The following ABCA13 variants were observed in gnomAD, a reference collection of about 807,000 sequenced individuals.
The protein encoded by ABCA13 is ATP-binding cassette sub-family A member 13.
In ABCA13, 476 loss-of-function variants were observed where a neutral mutation model predicts 478.7. The ratio of observed to expected loss-of-function variants is 0.99; its 90% CI spans 0.92 to 1.07. The LOEUF is 1.07. ABCA13 is among the 50% of genes least tolerant of loss of function. The probability of loss-of-function intolerance (pLI) is 0.00; values close to 1 mark genes in which losing one functional copy is unlikely to be tolerated. For synonymous variants in ABCA13, 2,252 were observed against 2,158.9 expected, an observed-to-expected ratio of 1.04 and a Z score of -1.20; for missense variants, 6,060 against 5,910.6, an observed-to-expected ratio of 1.03 and a Z score of -0.83.
chr7:48,281,328 T>C lies in ABCA13; in HGVS notation c.8727-15T>C, dbSNP rs776127721. ...TTTTACCCTTTTATGTCATTGTATA[T>C]ATTTTTTTGCTAAGTGTTGTTGAGA... is the stretch of plus-strand genomic sequence containing the variant. On this transcript the variant is annotated splice_polypyrimidine_tract_variant and intron_variant, in intron 18 of 61. Transcript: ENST00000435803. 1 of 1,578,600 alleles carries C rather than the reference T, an allele frequency of 6.3e-7. No individual in the cohort carries two copies. The highest frequency in any genetic ancestry group is 8.6e-7 in the Non-Finnish European group (1 of 1,161,542).
intron 15 of ABCA13, 85 bp from the exon 16 acceptor site, chr7:48,268,895 T>G: frequency 5.9e-6 from 3 of 511,450 alleles, no homozygotes; most frequent in East Asian, 3.9e-5. Context: ...CCATATTAGG[T>G]GAACTACTCT....
intron 42 of ABCA13, among the ~76,000 whole-genome samples, chr7:48,434,822 A>G (rs1226052248): frequency 6.6e-6 from 1 of 151,832 alleles, no homozygotes; most frequent in African/African-American, 2.4e-5. Flanking sequence ...CATATATGTG[A>G]ACATTTTCTT....
At chr7:48,613,868 ATATAAT>A (rs1480463350) in intron 58 of ABCA13, among the ~76,000 whole-genome samples, 2 of 147,954 alleles carry the variant, frequency 1.4e-5, no homozygotes, top group East Asian at 3.9e-4. Context: ...TATTATAATA[ATATAAT>A]TATAGATTAC....
intron 38 of ABCA13, among the ~76,000 whole-genome samples, chr7:48,395,764 A>G (rs551120015): frequency 1.4e-3 from 212 of 152,368 alleles, no homozygotes; most frequent in African/African-American, 5.0e-3. Flanking sequence ...CATTGTAAGC[A>G]TACAGCATGT....
intron 59 of ABCA13, chr7:48,627,117 T>G: frequency 1.1e-5 from 10 of 885,630 alleles, no homozygotes; most frequent in Non-Finnish European, 1.2e-5. Context: ...CATGGTCTTA[T>G]TTAATCTTTA....
chr7:48,365,257 G>A (rs780482539), intron 31 of ABCA13, among the ~76,000 whole-genome samples: 1 of 151,992 alleles, frequency 6.6e-6, no homozygotes, highest in Admixed American at 6.6e-5. Context: ...GTTTTAATTG[G>A]ATTATGTGGG....
At chr7:48,213,417 A>C (rs1490505780) in intron 3 of ABCA13, among the ~76,000 whole-genome samples, 16 of 152,230 alleles carry the variant, frequency 1.1e-4, no homozygotes, top group African/African-American at 3.6e-4. Context: ...AATGTACATA[A>C]CTTAAATAAA....
At chr7:48,568,971 A>G (rs1485232719) in intron 55 of ABCA13, among the ~76,000 whole-genome samples, 1 of 151,890 alleles carries the variant, frequency 6.6e-6, no homozygotes, top group Admixed American at 6.6e-5. Flanking sequence ...ATTGGTAGAA[A>G]TATTTTATTT....
intron 31 of ABCA13, among the ~76,000 whole-genome samples, chr7:48,355,281 C>G (rs1035411017): frequency 6.6e-6 from 1 of 151,836 alleles, no homozygotes; most frequent in Non-Finnish European, 1.5e-5. Context: ...AAAGACTTGA[C>G]GGGATGCAGA....
At chr7:48,239,127 C>A in intron 8 of ABCA13, 114 bp from the exon 9 acceptor site, 1 of 1,083,284 alleles carries the variant, frequency 9.2e-7, no homozygotes, top group Middle Eastern at 2.4e-4. Context: ...CTTACTTCTT[C>A]AATCAAGCAA....
chr7:48,298,407 A>G lies in ABCA13; in HGVS notation c.9241A>G (p.Thr3081Ala), dbSNP rs763390825. 1 of 1,612,536 alleles carries G rather than the reference A, an allele frequency of 6.2e-7. No individual in the cohort carries two copies. The highest frequency in any genetic ancestry group is 1.1e-5 in the South Asian group (1 of 90,730). ...KDLMKNITKL[T>A]EELRSSIQIS... ...TTTGATGAAGAATATCACCAAGTTG[A>G]CTGAGGAGCTTCGCTCTTCCATCCA... The change falls in exon 23 of 62, where the codon ACT becomes GCT. Residue 3081 changes from threonine to alanine, a missense_variant. Coordinates refer to ENST00000435803, the MANE Select transcript of ABCA13 (RefSeq NM_152701.5).
chr7:48,244,045 T>C (rs575409628), intron 10 of ABCA13, among the ~76,000 whole-genome samples: 7 of 152,344 alleles, frequency 4.6e-5, no homozygotes, highest in Admixed American at 3.9e-4. Flanking sequence ...AGTTGTTTCT[T>C]CCATGTCTGG....
intron 59 of ABCA13, among the ~76,000 whole-genome samples, chr7:48,632,953 T>G (rs538558694): frequency 9.9e-5 from 15 of 152,270 alleles, no homozygotes; most frequent in African/African-American, 3.4e-4. Context: ...TAAATGTAAA[T>G]GCTAAAACTG....
chr7:48,199,669 T>G (rs1798401185), intron 3 of ABCA13, among the ~76,000 whole-genome samples: 1 of 152,202 alleles, frequency 6.6e-6, no homozygotes, highest in Non-Finnish European at 1.5e-5. Flanking sequence ...TACTGTAAAG[T>G]GATAACCCTG....
At chr7:48,314,179 G>A (rs1802199414) in intron 25 of ABCA13, 53 bp from the exon 26 acceptor site, 1 of 1,560,692 alleles carries the variant, frequency 6.4e-7, no homozygotes, top group Admixed American at 1.9e-5. Flanking sequence ...AGTGTGTGAA[G>A]GAATTGTTTT....
intron 38 of ABCA13, among the ~76,000 whole-genome samples, chr7:48,402,437 TG>T (rs1243556849): frequency 6.6e-6 from 1 of 152,200 alleles, no homozygotes; most frequent in African/African-American, 2.4e-5. Flanking sequence ...TGGAAACATT[TG>T]TCTTCCTCCT....
chr7:48,215,643 A>C (rs2128954232), intron 3 of ABCA13, among the ~76,000 whole-genome samples: 1 of 152,324 alleles, frequency 6.6e-6, no homozygotes, highest in East Asian at 1.9e-4. Context: ...TACACAATTC[A>C]ATAATTGTTA....
rs961678750 is a variant in ABCA13, at chr7:48,173,426, A to G, written c.69+1874A>G. Among the ~76,000 whole-genome samples, 5 of 152,272 alleles carry G rather than the reference A, an allele frequency of 3.3e-5. No homozygotes were observed. The East Asian group carries it at 9.6e-4, about 29-fold the overall frequency. ...AAATATTTGTTGAATAAGTAAAAGAAGGAAGGAATAAAGCATTTATGCATC... is the reference window on the plus strand; with the variant it reads ...AAATATTTGTTGAATAAGTAAAAGAGGGAAGGAATAAAGCATTTATGCATC... On this transcript the variant is annotated intron_variant, in intron 1 of 61. Transcript: ENST00000435803.
chr7:48,540,245 T>C (rs1833864535), intron 55 of ABCA13, among the ~76,000 whole-genome samples: 1 of 152,134 alleles, frequency 6.6e-6, no homozygotes, highest in Non-Finnish European at 1.5e-5. Context: ...TTTTAACTTA[T>C]AAAGCAAAAT....
Sources: gnomAD v4.1 joint callset for allele counts (sites outside exome capture counted in the v4.1 genomes callset) on GRCh38, gnomAD v4.1.1 for gene constraint, MANE v1.5 for transcripts, NCBI Gene and HGNC (gene_info 2026-07-23, HGNC 2026-07-21) for gene names.